IGF1: variants seen among roughly 807,000 people sequenced by gnomAD.
IGF1 encodes insulin like growth factor 1, also known as insulin-like growth factor 1.
IGF1 carries 4 observed loss-of-function variants against 13.8 expected under a neutral mutation model. The observed-to-expected ratio is 0.29, with a 90% CI of 0.14 to 0.66. IGF1 has a LOEUF of 0.66. Among genes scored for constraint, IGF1 ranks in the 30% least tolerant of loss-of-function variants. IGF1 has a pLI of 0.78. For missense variants in IGF1, 124 were observed against 188.5 expected (o/e 0.66, Z 2.00); for synonymous variants, 76 against 72.6 (o/e 1.05, Z -0.23).
intron 2 of IGF1, among the ~76,000 whole-genome samples, chr12:102,462,383 A>G (rs1472222209): frequency 6.6e-6 from 1 of 152,142 alleles, no homozygotes; most frequent in Non-Finnish European, 1.5e-5. Flanking sequence ...CCAATCATCC[A>G]CTGAATGACT....
upstream of IGF1, chr12:102,480,781 C>T (rs1042099750): frequency 1.5e-5 from 5 of 339,240 alleles, no homozygotes; most frequent in Non-Finnish European, 2.7e-5. Flanking sequence ...GTGTTAGTGA[C>T]AGGGTTCGCA....
chr12:102,413,453 AG>A (rs1266963533), intron 3 of IGF1, among the ~76,000 whole-genome samples: 3 of 152,216 alleles, frequency 2.0e-5, no homozygotes, highest in African/African-American at 7.2e-5. Context: ...AGGCGAGAGA[AG>A]GGGAATTGCT....
At chr12:102,419,080 T>G (rs1875428957) in intron 3 of IGF1, among the ~76,000 whole-genome samples, 1 of 152,208 alleles carries the variant, frequency 6.6e-6, no homozygotes, top group Non-Finnish European at 1.5e-5. Context: ...TATGCAGGCA[T>G]GTGAAAAGCA....
In IGF1 at chr12:102,401,329, G is replaced by T. The variant is rs568361256; in HGVS notation, c.*1178C>A. The T allele has an allele frequency of 1.3e-5, 2 of 152,456 alleles. No individual in the cohort carries two copies. Among genetic ancestry groups the T allele is most frequent in the Non-Finnish European group, 2.9e-5 (2 of 68,148 alleles). The allele number at this position is 152,456 out of a possible 1,614,324, so 9.4% of individuals were successfully genotyped here. ...ATGTTCATTTCTTCCATGAGAAAAA[G>T]AAACCAGGACTGCTAAAATTCCTAG... is the stretch of plus-strand genomic sequence containing the variant. On this transcript the variant is annotated 3_prime_UTR_variant, in exon 4 of 4. Transcript: ENST00000337514.
At chr12:102,429,326 CT>C (rs1287712595) in intron 2 of IGF1, among the ~76,000 whole-genome samples, 8 of 151,994 alleles carry the variant, frequency 5.3e-5, no homozygotes, top group African/African-American at 7.3e-5. Context: ...CTGTAAATGC[CT>C]TCCTTAAATT....
rs1875066880 is a variant in IGF1 at position 102,415,592 on chromosome 12, T to TTCCTTCCC, written c.402+3909_402+3916dup. On this transcript the variant is annotated intron_variant, in intron 3 of 3. Coordinates refer to ENST00000337514, the MANE Select transcript of IGF1 (RefSeq NM_000618.5). The stretch of plus-strand genomic sequence containing the variant: ...CTTCCTTCCTTCCTTCCTTCCTTCC[T>TTCCTTCCC]TCCTTCCCTCCCTCCCTCCCTCCTT... The TTCCTTCCC allele has an allele frequency of 2.0e-5, 3 of 147,588 alleles. No homozygotes were observed. The East Asian group carries it at 6.0e-4, about 30-fold the overall frequency. 9.1% of individuals were successfully genotyped at this position (147,588 alleles called of 1,614,324 possible). A position where few individuals can be genotyped will look rare whatever the true frequency, so the allele number is the denominator to read the frequency against.
At chr12:102,478,567 A>T (rs1162385674) in intron 1 of IGF1, 15 of 1,592,996 alleles carry the variant, frequency 9.4e-6, no homozygotes, top group Non-Finnish European at 1.3e-5. Context: ...GTGAATAGAA[A>T]ACTGAAGTCT....
At chr12:102,450,952 T>C (rs903622070) in intron 2 of IGF1, among the ~76,000 whole-genome samples, 1 of 152,294 alleles carries the variant, frequency 6.6e-6, no homozygotes, top group African/African-American at 2.4e-5. Flanking sequence ...AGTAGATTAG[T>C]TATAGTTGCT....
At chr12:102,448,632 A>C (rs1878578962) in intron 2 of IGF1, among the ~76,000 whole-genome samples, 1 of 147,998 alleles carries the variant, frequency 6.8e-6, no homozygotes, top group East Asian at 2.1e-4. Flanking sequence ...TGGCACATGT[A>C]TACATATGTA....
At chr12:102,414,761 T>C (rs989635570) in intron 3 of IGF1, among the ~76,000 whole-genome samples, 1 of 152,172 alleles carries the variant, frequency 6.6e-6, no homozygotes, top group Non-Finnish European at 1.5e-5. Flanking sequence ...TGCTTATAAC[T>C]CTTGTTCATG....
At chr12:102,403,289 G>A (rs1873840056) in intron 3 of IGF1, among the ~76,000 whole-genome samples, 1 of 152,022 alleles carries the variant, frequency 6.6e-6, no homozygotes, top group South Asian at 2.1e-4. Flanking sequence ...CTGGCACATG[G>A]TAAGCACTAC....
At chr12:102,412,107 A>C (rs1874696918) in intron 3 of IGF1, among the ~76,000 whole-genome samples, 2 of 152,190 alleles carry the variant, frequency 1.3e-5, no homozygotes, top group South Asian at 4.1e-4. Context: ...GGGAAATGGT[A>C]GAAGTCCCTG....
chr12:102,409,746 C>G lies in IGF1; in HGVS notation c.403-7180G>C, dbSNP rs146669259. ...CTTAGCCATACTCAGCCTGAGTTTT[C>G]CTGTCTATACAATAGTGATAATTGT... is the stretch of plus-strand genomic sequence containing the variant. On this transcript the variant is annotated intron_variant, in intron 3 of 3. Coordinates refer to ENST00000337514, the MANE Select transcript of IGF1 (RefSeq NM_000618.5). 4.6e-5 allele frequency among the ~76,000 whole-genome samples: 7 copies of G among 152,212 alleles called. No individual in the cohort carries two copies. In the East Asian group the frequency reaches 1.4e-3, roughly 29 times the overall value.
intron 2 of IGF1, among the ~76,000 whole-genome samples, chr12:102,431,589 C>T (rs933358238): frequency 2.6e-5 from 4 of 152,148 alleles, no homozygotes; most frequent in African/African-American, 9.7e-5. Context: ...CTAAATCATA[C>T]ATCTAGTAAG....
chr12:102,457,524 A>C (rs1015829677), intron 2 of IGF1, among the ~76,000 whole-genome samples: 1 of 152,186 alleles, frequency 6.6e-6, no homozygotes, highest in Non-Finnish European at 1.5e-5. Flanking sequence ...GGCCTCTCTC[A>C]GTCTATAGAA....
intron 2 of IGF1, among the ~76,000 whole-genome samples, chr12:102,439,021 A>G (rs1400649209): frequency 6.6e-6 from 1 of 152,214 alleles, no homozygotes; most frequent in African/African-American, 2.4e-5. Context: ...CTATGAAGCC[A>G]GTAGCCTTTT....
chr12:102,438,734 A>G lies in IGF1; in HGVS notation c.221-19044T>C, dbSNP rs117490337. 1.7e-3 allele frequency among the ~76,000 whole-genome samples: 260 copies of G among 152,280 alleles called. 3 individuals carry two copies. In the East Asian group the frequency reaches 0.037, roughly 22 times the overall value. The stretch of plus-strand genomic sequence containing the variant: ...TATAAACCGTGAACACCCCAGAAAA[A>G]GTTAGTGCTGGGTCTGTCAGAAGAA... On this transcript the variant is annotated intron_variant, in intron 2 of 3. Coordinates refer to ENST00000337514, the MANE Select transcript of IGF1 (RefSeq NM_000618.5).
chr12:102,467,390 C>T (rs1880403601), intron 2 of IGF1, among the ~76,000 whole-genome samples: 1 of 152,132 alleles, frequency 6.6e-6, no homozygotes, highest in Non-Finnish European at 1.5e-5. Context: ...AAAAAAAAAG[C>T]TGATCCAACA....
At position 102,419,882 on chromosome 12, in the gene IGF1, G is replaced by A. The variant is rs564871306; in HGVS notation, c.221-192C>T. Among the ~76,000 whole-genome samples the A allele has an allele frequency of 9.2e-5, 14 of 152,264 alleles. No homozygotes were observed. The East Asian group carries it at 2.7e-3, about 29-fold the overall frequency. On this transcript the variant is annotated intron_variant, in intron 2 of 3. Transcript: ENST00000337514. ...AATGCCAGTATGTCTCCCGGAGTCT[G>A]TACCACACTCATTAGCACTAACTCA...
Sources: gnomAD v4.1 joint callset for allele counts (sites outside exome capture counted in the v4.1 genomes callset) on GRCh38, gnomAD v4.1.1 for gene constraint, MANE v1.5 for transcripts, NCBI Gene and HGNC (gene_info 2026-07-23, HGNC 2026-07-21) for gene names.